COX7A2L: variants seen among roughly 807,000 people sequenced by gnomAD.
COX7A2L encodes cytochrome c oxidase subunit 7A2 like.
In COX7A2L, 18 loss-of-function variants were observed where a neutral mutation model predicts 14.2. That is an observed-to-expected ratio of 1.27 (90% CI 0.88 to 1.88). The LOEUF is 1.88. COX7A2L is among the 40% of genes most tolerant of loss of function. The pLI is 0.00. For synonymous variants in COX7A2L, 65 were observed against 57.4 expected, an observed-to-expected ratio of 1.13 and a Z score of -0.60; for missense variants, 179 against 138.8, an observed-to-expected ratio of 1.29 and a Z score of -1.46.
chr2:42,360,815 T>G, intron 1 of COX7A2L: 1 of 485,530 alleles, frequency 2.1e-6, no homozygotes, highest in South Asian at 2.3e-5. Context: ...AAACCATCCC[T>G]TTTAGACAAG....
At chr2:42,358,994 A>G (rs1272529623) in intron 1 of COX7A2L, 2 of 152,222 alleles carry the variant, frequency 1.3e-5, no homozygotes, top group Non-Finnish European at 2.9e-5. Context: ...TAAATAAAAG[A>G]ACATCTACTA....
upstream of COX7A2L, among the ~76,000 whole-genome samples, chr2:42,363,892 CT>C (rs1671107977): frequency 6.6e-6 from 1 of 152,222 alleles, no homozygotes; most frequent in Non-Finnish European, 1.5e-5. Context: ...CTGAATGCCG[CT>C]GCTTCTCCAT....
At chr2:42,359,811 C>T (rs1670959003) in intron 1 of COX7A2L, 1 of 151,118 alleles carries the variant, frequency 6.6e-6, no homozygotes, top group Admixed American at 6.6e-5. Flanking sequence ...TAAACTCTTC[C>T]TTCCCGTTCC....
rs577080445 is a variant in COX7A2L, at chr2:42,351,906, C to T, written c.205-547G>A. On this transcript the variant is annotated intron_variant, in intron 2 of 2. Coordinates refer to ENST00000234301, the MANE Select transcript of COX7A2L (RefSeq NM_004718.4). ...GCTGAGGTGGGAGGATCGCTTGAGC[C>T]CAAGAGGTCAAGGATGCAGTGGGCC... Among the ~76,000 whole-genome samples, 4 of 152,178 alleles carry T rather than the reference C, an allele frequency of 2.6e-5. No individual in the cohort carries two copies. In the South Asian group the frequency reaches 8.3e-4, roughly 32 times the overall value.
rs1181503086 is a variant in COX7A2L at position 42,339,845 on chromosome 2, A to G, written c.193-5976T>C. ...ACTTTGGTTTGGTTTTAGCTTTTAC[A>G]TGAATGGAACCCCAAGTGTGCTCTC... On this transcript the variant is annotated intron_variant, in intron 2 of 2. Transcript: ENST00000468711. The surrounding 1 kb of genome is among the most constrained non-coding windows in gnomAD (Gnocchi z 5.4). 6.6e-6 allele frequency among the ~76,000 whole-genome samples: 1 copy of G among 152,028 alleles called. No homozygotes were observed. Among genetic ancestry groups the G allele is most frequent in the Admixed American group, 6.5e-5 (1 of 15,268 alleles).
In COX7A2L at chr2:42,361,185, C is replaced by A; in HGVS notation, c.-24G>T. 1 of 1,586,552 alleles carries A rather than the reference C, an allele frequency of 6.3e-7. No individual in the cohort carries two copies. ...ATGACGCCCAGAGTCCGGCTTCCCG[C>A]ATCCGCTGCCAACGCGACCGCCCCA... On this transcript the variant is annotated 5_prime_UTR_variant, in exon 1 of 3. The change abolishes an upstream ATG in the 5' untranslated region. Transcript: ENST00000234301.
intron 2 of COX7A2L, 43 bp downstream of exon 2, chr2:42,353,169 A>G: frequency 1.9e-6 from 3 of 1,595,342 alleles, no homozygotes; most frequent in Non-Finnish European, 1.7e-6. Flanking sequence ...TTTTAAGCCT[A>G]TTTATTTCAC....
At chr2:42,355,710 C>T in intron 1 of COX7A2L, among the ~76,000 whole-genome samples, 1 of 132,364 alleles carries the variant, frequency 7.6e-6, no homozygotes, top group African/African-American at 2.9e-5. Context: ...GTGTAAAATC[C>T]TACGTTCTTT....
At chr2:42,335,846 C>G (rs140209822) in intron 2 of COX7A2L, among the ~76,000 whole-genome samples, 3 of 152,330 alleles carry the variant, frequency 2.0e-5, no homozygotes, top group African/African-American at 7.2e-5. Flanking sequence ...AGGCTTTGGA[C>G]TTTGAATCGT....
chr2:42,356,088 G>A (rs1670810640), intron 1 of COX7A2L, among the ~76,000 whole-genome samples: 1 of 151,998 alleles, frequency 6.6e-6, no homozygotes, highest in Admixed American at 6.5e-5. Context: ...GGAGTGCAGT[G>A]GCGTGATCCT....
At chr2:42,353,100 A>T in intron 2 of COX7A2L, 112 bp downstream of exon 2, 1 of 1,305,430 alleles carries the variant, frequency 7.7e-7, no homozygotes, top group Middle Eastern at 1.9e-4. Flanking sequence ...AATACTACTT[A>T]AAGAAAAAGA....
downstream of COX7A2L, among the ~76,000 whole-genome samples, chr2:42,348,931 A>G (rs913121578): frequency 5.9e-5 from 9 of 152,150 alleles, no homozygotes; most frequent in African/African-American, 2.2e-4. Context: ...GAAAAAAAAA[A>G]GTGACAACAA....
chr2:42,348,102 A>T (rs1264680889), downstream of COX7A2L, among the ~76,000 whole-genome samples: 1 of 152,230 alleles, frequency 6.6e-6, no homozygotes, highest in Non-Finnish European at 1.5e-5. Flanking sequence ...CAGCATCAAA[A>T]TCAATAATGG....
At position 42,351,148 on chromosome 2, in the gene COX7A2L, T is replaced by G. The variant is rs548153182; in HGVS notation, c.*71A>C. 1.3e-6 allele frequency: 2 copies of G among 1,482,776 alleles called. No homozygotes were observed. Among genetic ancestry groups the G allele is most frequent in the Admixed American group, 2.4e-5 (1 of 41,988 alleles). 91.9% of individuals were successfully genotyped at this position (1,482,776 alleles called of 1,614,324 possible). Reference sequence around the variant, plus strand: ...AGCCATCCAAGTAAAAAAAAAAATTTTAATTTAACAATGAAAAAGGAACTT... The same window carrying G: ...AGCCATCCAAGTAAAAAAAAAAATTGTAATTTAACAATGAAAAAGGAACTT... On this transcript the variant is annotated 3_prime_UTR_variant, in exon 3 of 3. Coordinates refer to ENST00000234301, the MANE Select transcript of COX7A2L (RefSeq NM_004718.4).
chr2:42,340,230 C>T (rs1670374046), intron 2 of COX7A2L, among the ~76,000 whole-genome samples: 1 of 152,104 alleles, frequency 6.6e-6, no homozygotes. Context: ...CTGGGGGTAC[C>T]CCAGAGACAA....
intron 2 of COX7A2L, among the ~76,000 whole-genome samples, chr2:42,340,258 C>T (rs374480068): frequency 7.9e-5 from 12 of 152,166 alleles, no homozygotes; most frequent in East Asian, 7.7e-4. Flanking sequence ...TCTCCAGGGA[C>T]GGGCAGTTGT....
At chr2:42,340,323 G>C (rs1165732920) in intron 2 of COX7A2L, among the ~76,000 whole-genome samples, 1 of 152,114 alleles carries the variant, frequency 6.6e-6, no homozygotes, top group Middle Eastern at 3.4e-3. Flanking sequence ...CTTTTCTCTC[G>C]TGCCCTCGGC....
Position 42,353,252 on chromosome 2 carries a change from G to C in COX7A2L, c.164C>G (p.Ala55Gly), listed in dbSNP as rs1335533138. The C allele has an allele frequency of 6.2e-7, 1 of 1,614,072 alleles. No individual in the cohort carries two copies. The highest frequency in any genetic ancestry group is 8.5e-7 in the Non-Finnish European group (1 of 1,180,004). Residue 55 changes from alanine (A) to glycine (G), a missense_variant, in exon 2 of 3, where the codon GCT becomes GGT. Physicochemically the swap from Ala to Gly is moderately conservative, Grantham distance 60 (BLOSUM62 0). Transcript: ENST00000234301. ...TAGCTCTGGAACTTTGTTTTTCCCA[G>C]CATAATCATACACTGTGGAATCGGA... ...LTSDSTVYDY[A>G]GKNKVPELQK...
chr2:42,351,041 G>C lies in COX7A2L; in HGVS notation c.*178C>G, dbSNP rs562475922. The C allele has an allele frequency of 4.2e-5, 26 of 613,182 alleles. No individual in the cohort carries two copies. In the East Asian group the frequency reaches 7.8e-4, roughly 18 times the overall value. The allele number at this position is 613,182 out of a possible 1,614,324, so 38.0% of individuals were successfully genotyped here. ...TAAACAATGGCTTTAACTGTCGAAT[G>C]AGCTCTGACAAGCCATATGCATTTC... On this transcript the variant is annotated 3_prime_UTR_variant, in exon 3 of 3. Coordinates refer to ENST00000234301, the MANE Select transcript of COX7A2L (RefSeq NM_004718.4).
Sources: gnomAD v4.1 joint callset for allele counts (sites outside exome capture counted in the v4.1 genomes callset) on GRCh38, gnomAD v4.1.1 for gene constraint, Gnocchi (gnomAD v3.1) non-coding constraint, MANE v1.5 for transcripts, NCBI Gene and HGNC (gene_info 2026-07-23, HGNC 2026-07-21) for gene names.